The following DISP1 variants were observed in gnomAD, a reference collection of about 807,000 sequenced individuals.
DISP1 encodes protein dispatched homolog 1.
In DISP1, 30 loss-of-function variants were observed where a neutral mutation model predicts 37.3. The observed-to-expected ratio is 0.80, with a 90% CI of 0.60 to 1.09. The LOEUF is 1.09. Ranked by LOEUF, DISP1 falls within the 50% of genes least tolerant of loss-of-function variation. DISP1 has a pLI of 0.00. For missense variants in DISP1, 1,598 were observed against 1,879.5 expected (o/e 0.85, Z 2.77); for synonymous variants, 634 against 690.2 (o/e 0.92, Z 1.28).
intron 1 of DISP1, among the ~76,000 whole-genome samples, chr1:222,911,013 C>T (rs1672177534): frequency 1.3e-5 from 2 of 152,108 alleles, no homozygotes; most frequent in Non-Finnish European, 2.9e-5. Flanking sequence ...TCCAGGCAAG[C>T]CCTAGCAATT....
chr1:222,893,663 G>A lies in DISP1; in HGVS notation c.-158-34767G>A, dbSNP rs1206121799. 3.3e-5 allele frequency among the ~76,000 whole-genome samples: 5 copies of A among 152,216 alleles called. No homozygotes were observed. The highest frequency in any genetic ancestry group is 5.9e-5 in the Non-Finnish European group (4 of 68,046). ...ACTGCGGGCACCCATGTCTGGATGA[G>A]GGGAATGTGGTGGTGCCTGGAAGCT... On this transcript the variant is annotated intron_variant, in intron 1 of 8. Coordinates refer to ENST00000675850, the MANE Select transcript of DISP1 (RefSeq NM_001377229.1). This position sits in a 1 kb window ranked among gnomAD's most constrained non-coding sequence, Gnocchi z 4.3.
At chr1:222,853,347 C>T (rs1558293660) in intron 1 of DISP1, among the ~76,000 whole-genome samples, 1 of 152,058 alleles carries the variant, frequency 6.6e-6, no homozygotes, top group Non-Finnish European at 1.5e-5. Context: ...GGAGCTTCCT[C>T]AAAGAACTAT....
intron 8 of DISP1, among the ~76,000 whole-genome samples, chr1:222,998,026 T>G (rs1196004846): frequency 2.0e-5 from 3 of 152,120 alleles, no homozygotes; most frequent in Admixed American, 2.0e-4. Context: ...TATTCTAGTC[T>G]CAAACTCTAT....
intron 1 of DISP1, among the ~76,000 whole-genome samples, chr1:222,840,857 C>A (rs899752606): frequency 2.6e-5 from 4 of 151,978 alleles, no homozygotes; most frequent in African/African-American, 9.7e-5. Flanking sequence ...CCACTGCGCC[C>A]AGCCAGAAGG....
At position 222,992,110 on chromosome 1, in the gene DISP1, AG is replaced by A; in HGVS notation, c.889+1del. The A allele has an allele frequency of 6.2e-7, 1 of 1,610,590 alleles. No homozygotes were observed. Among genetic ancestry groups the A allele is most frequent in the Non-Finnish European group, 8.5e-7 (1 of 1,176,806 alleles). ...GGACAGCTTTTTCTGCGACGTTCCAAGTGAGTGACATTGTAGATGAACAAAC... is the reference window on the plus strand; with the variant it reads ...GGACAGCTTTTTCTGCGACGTTCCAATGAGTGACATTGTAGATGAACAAAC... On this transcript the variant is annotated splice_donor_variant, in intron 7 of 8. Transcript: ENST00000675850. LOFTEE classifies it high-confidence loss of function.
chr1:222,879,973 C>T (rs1670186874), intron 1 of DISP1, among the ~76,000 whole-genome samples: 1 of 151,860 alleles, frequency 6.6e-6, no homozygotes, highest in African/African-American at 2.4e-5. Context: ...ACTTTGACGA[C>T]TCTTGAGGAA....
chr1:222,988,089 CTTA>C (rs1678405675), intron 4 of DISP1, among the ~76,000 whole-genome samples: 1 of 152,146 alleles, frequency 6.6e-6, no homozygotes, highest in Non-Finnish European at 1.5e-5. Context: ...CCACAATCAG[CTTA>C]TTGTCACTTA....
chr1:222,829,398 T>C (rs1270404916), intron 1 of DISP1, among the ~76,000 whole-genome samples: 3 of 151,698 alleles, frequency 2.0e-5, no homozygotes, highest in Non-Finnish European at 2.9e-5. Context: ...TTAAAACGTA[T>C]CAGTTTTCAA....
chr1:222,829,302 A>G (rs1028562326), intron 1 of DISP1, among the ~76,000 whole-genome samples: 2 of 152,220 alleles, frequency 1.3e-5, no homozygotes, highest in African/African-American at 4.8e-5. Flanking sequence ...AAGAAAATTT[A>G]TAAAATTAAG....
At chr1:222,942,086 C>T (rs1674428406) in intron 2 of DISP1, among the ~76,000 whole-genome samples, 2 of 148,592 alleles carry the variant, frequency 1.3e-5, no homozygotes, top group East Asian at 1.9e-4. Context: ...AAGCCCTGAA[C>T]CTTTTGGTGG....
At chr1:222,965,711 G>T (rs1208058722) in intron 3 of DISP1, among the ~76,000 whole-genome samples, 1 of 151,826 alleles carries the variant, frequency 6.6e-6, no homozygotes, top group Non-Finnish European at 1.5e-5. Context: ...ATCTCACTCA[G>T]TTTTTTTCTT....
intron 1 of DISP1, among the ~76,000 whole-genome samples, chr1:222,887,479 T>C (rs1670661249): frequency 7.8e-6 from 1 of 128,074 alleles, no homozygotes; most frequent in Non-Finnish European, 1.7e-5. Context: ...AATGTCACAT[T>C]GTTTTTGTTT....
chr1:222,969,695 G>C (rs1676795724), intron 3 of DISP1, among the ~76,000 whole-genome samples: 1 of 151,820 alleles, frequency 6.6e-6, no homozygotes, highest in South Asian at 2.1e-4. Flanking sequence ...TATGCATCTA[G>C]TGTGATCATA....
intron 1 of DISP1, among the ~76,000 whole-genome samples, chr1:222,888,414 A>G (rs1402723918): frequency 6.6e-6 from 1 of 152,214 alleles, no homozygotes; most frequent in Non-Finnish European, 1.5e-5. Context: ...GAAGAAGCCA[A>G]TCTTAAGGAA....
chr1:222,909,752 G>C (rs1389507326), intron 1 of DISP1, among the ~76,000 whole-genome samples: 1 of 152,188 alleles, frequency 6.6e-6, no homozygotes, highest in Non-Finnish European at 1.5e-5. Flanking sequence ...TGATAAGTAG[G>C]CCTGGAACTC....
intron 3 of DISP1, among the ~76,000 whole-genome samples, chr1:222,978,101 A>T (rs1677531084): frequency 6.6e-6 from 1 of 152,100 alleles, no homozygotes; most frequent in Non-Finnish European, 1.5e-5. Context: ...GATCCCTTCC[A>T]CAACGACTTC....
intron 3 of DISP1, among the ~76,000 whole-genome samples, chr1:222,946,383 C>CAAA (rs71178514): frequency 7.8e-4 from 67 of 85,378 alleles, no homozygotes; most frequent in Non-Finnish European, 9.6e-4. Flanking sequence ...GACTCCATCT[C>CAAA]AAAAAAAAAA....
At chr1:222,956,028 A>G (rs536113418) in intron 3 of DISP1, among the ~76,000 whole-genome samples, 10 of 152,340 alleles carry the variant, frequency 6.6e-5, no homozygotes, top group African/African-American at 2.4e-4. Flanking sequence ...AATGTAAGCA[A>G]TTTACTGTTT....
At chr1:222,914,492 C>T (rs892316418) in intron 1 of DISP1, among the ~76,000 whole-genome samples, 1 of 152,270 alleles carries the variant, frequency 6.6e-6, no homozygotes, top group Middle Eastern at 3.4e-3. Context: ...CTCCCTCTTT[C>T]TTTCACTCAT....
Sources: allele counts gnomAD v4.1 joint callset (sites outside exome capture counted in the v4.1 genomes callset), GRCh38; gene constraint gnomAD v4.1.1; non-coding constraint Gnocchi (gnomAD v3.1); transcripts MANE v1.5; gene names NCBI Gene and HGNC (gene_info 2026-07-23, HGNC 2026-07-21).